The following ARRDC4 variants were observed in gnomAD, a reference collection of about 807,000 sequenced individuals.
ARRDC4 encodes arrestin domain-containing protein 4.
Under a neutral mutation model 44.6 loss-of-function variants are expected in ARRDC4, and 40 were observed. That is an observed-to-expected ratio of 0.90 (90% CI 0.70 to 1.17). The LOEUF is 1.17. Among genes scored for constraint, ARRDC4 ranks in the 50% most tolerant of loss-of-function variants. The pLI is 0.00. For missense variants in ARRDC4, 550 were observed against 559.1 expected, an observed-to-expected ratio of 0.98 and a Z score of 0.16; for synonymous variants, 211 against 221.2, an observed-to-expected ratio of 0.95 and a Z score of 0.41.
chr15:97,971,268 G>C lies in ARRDC4; in HGVS notation c.*81G>C. 7.4e-7 allele frequency: 1 copy of C among 1,342,336 alleles called. No homozygotes were observed. 83.2% of individuals were successfully genotyped at this position (1,342,336 alleles called of 1,614,324 possible). On this transcript the variant is annotated 3_prime_UTR_variant, in exon 8 of 8. Transcript: ENST00000268042. ...TTCTGCCTTTTTGGGAAAGAGACAG[G>C]AAAGATTCACTTGAAAACATAAATG... is the stretch of plus-strand genomic sequence containing the variant.
rs185160115 is a variant in ARRDC4 at position 97,973,690 on chromosome 15, G to A, written c.*2503G>A. Reference sequence around the variant, plus strand: ...GCACAGTAAGAAACAATAGGCAAGCGTTATGTTTTTGGTAAGTTAACTATG... The same window carrying A: ...GCACAGTAAGAAACAATAGGCAAGCATTATGTTTTTGGTAAGTTAACTATG... On this transcript the variant is annotated 3_prime_UTR_variant, in exon 8 of 8. Transcript: ENST00000268042. 1.1e-3 allele frequency: 167 copies of A among 152,564 alleles called. 3 individuals carry two copies. Among genetic ancestry groups the A allele is most frequent in the Admixed American group, 0.01 (157 of 15,270 alleles). The allele number at this position is 152,564 out of a possible 1,614,324, so 9.5% of individuals were successfully genotyped here. A position where few individuals can be genotyped will look rare whatever the true frequency, so the allele number is the denominator to read the frequency against.
At position 97,966,124 on chromosome 15, in the gene ARRDC4, T is replaced by TATA. The variant is rs1439657478; in HGVS notation, c.522+83_522+84insTAA. On this transcript the variant is annotated intron_variant, in intron 3 of 7. Transcript: ENST00000268042. The surrounding 1 kb of genome is among the most constrained non-coding windows in gnomAD (Gnocchi z 4.7). The stretch of plus-strand genomic sequence containing the variant: ...TCCTTTCAACAGTGGGATCTATATT[T>TATA]AGCCAGTTTACTGGTAGTCTGTCCT... 7.7e-5 allele frequency: 115 copies of TATA among 1,484,908 alleles called. 1 individual carries two copies. Among genetic ancestry groups the TATA allele is most frequent in the Non-Finnish European group, 1.0e-4 (110 of 1,091,962 alleles). 92.0% of individuals were successfully genotyped at this position (1,484,908 alleles called of 1,614,324 possible). A position where few individuals can be genotyped will look rare whatever the true frequency, so the allele number is the denominator to read the frequency against.
intron 1 of ARRDC4, among the ~76,000 whole-genome samples, chr15:97,962,279 A>G (rs1315674354): frequency 6.6e-6 from 1 of 152,232 alleles, no homozygotes; most frequent in East Asian, 1.9e-4. Context: ...GAGGAAAACT[A>G]TATTTGGAAC....
intron 1 of ARRDC4, among the ~76,000 whole-genome samples, chr15:97,964,923 G>C (rs1899388759): frequency 6.6e-6 from 1 of 152,038 alleles, no homozygotes; most frequent in African/African-American, 2.4e-5. Flanking sequence ...TGCTAAATTA[G>C]TTTTTGGTCC....
chr15:97,970,669 G>T lies in ARRDC4; in HGVS notation c.1126G>T (p.Glu376Ter). 1 of 1,613,614 alleles carries T rather than the reference G, an allele frequency of 6.2e-7. No homozygotes were observed. The highest frequency in any genetic ancestry group is 8.5e-7 in the Non-Finnish European group (1 of 1,179,660). The stretch of plus-strand genomic sequence containing the variant: ...TCCTTACCCTCAACCCCCTAACTGT[G>T]AGGGAGAAGTGTGCTGTCCTGTGTT... Reference protein sequence around the residue: ...IPPYPQPPNCEGEVCCPVFAC... With the variant: ...IPPYPQPPNC The change falls in exon 7 of 8, where the codon GAG becomes TAG. Residue 376 changes from glutamate to a stop codon, truncating the protein, a stop_gained. Coordinates refer to ENST00000268042, the MANE Select transcript of ARRDC4 (RefSeq NM_183376.3). LOFTEE classifies it high-confidence loss of function. The surrounding 1 kb of genome is among the most constrained non-coding windows in gnomAD (Gnocchi z 4.2).
intron 1 of ARRDC4, among the ~76,000 whole-genome samples, chr15:97,962,954 C>G (rs1027555198): frequency 3.3e-5 from 5 of 152,164 alleles, no homozygotes; most frequent in Non-Finnish European, 7.3e-5. Flanking sequence ...CTTTGACATC[C>G]TTAATCTAAT....
rs1043198885 is a variant in ARRDC4 at position 97,960,703 on chromosome 15, G to C, written c.-159G>C. On this transcript the variant is annotated 5_prime_UTR_variant, in exon 1 of 8. Coordinates refer to ENST00000268042, the MANE Select transcript of ARRDC4 (RefSeq NM_183376.3). ...CAGGCCCAACTGGGTTTGTTAAAGCGACAGGCCTCTCGGCGAGCCGGTGCC... is the reference window on the plus strand; with the variant it reads ...CAGGCCCAACTGGGTTTGTTAAAGCCACAGGCCTCTCGGCGAGCCGGTGCC... 4 of 593,358 alleles carry C rather than the reference G, an allele frequency of 6.7e-6. No individual in the cohort carries two copies. Among genetic ancestry groups the C allele is most frequent in the African/African-American group, 5.8e-5 (3 of 51,874 alleles). The allele number at this position is 593,358 out of a possible 1,614,324, so 36.8% of individuals were successfully genotyped here.
Position 97,970,142 on chromosome 15 carries a change from AC to A in ARRDC4, c.1045+98del. On this transcript the variant is annotated intron_variant, in intron 6 of 7. Coordinates refer to ENST00000268042, the MANE Select transcript of ARRDC4 (RefSeq NM_183376.3). This position sits in a 1 kb window ranked among gnomAD's most constrained non-coding sequence, Gnocchi z 4.2. Reference sequence around the variant, plus strand: ...ATTAAGTGCTCAGATGTTGATGAGTACTGCTACTATAGGTATCTTTATTCCT... The same window carrying A: ...ATTAAGTGCTCAGATGTTGATGAGTATGCTACTATAGGTATCTTTATTCCT... The A allele has an allele frequency of 1.6e-6, 2 of 1,253,276 alleles. No homozygotes were observed. Among genetic ancestry groups the A allele is most frequent in the Non-Finnish European group, 2.2e-6 (2 of 923,606 alleles). The allele number at this position is 1,253,276 out of a possible 1,614,324, so 77.6% of individuals were successfully genotyped here.
chr15:97,969,116 T>A lies in ARRDC4; in HGVS notation c.626-7T>A, dbSNP rs777591504. 1 of 1,609,842 alleles carries A rather than the reference T, an allele frequency of 6.2e-7. No homozygotes were observed. Among genetic ancestry groups the A allele is most frequent in the South Asian group, 1.1e-5 (1 of 91,018 alleles). On this transcript the variant is annotated splice_region_variant and splice_polypyrimidine_tract_variant and intron_variant, in intron 4 of 7. Coordinates refer to ENST00000268042, the MANE Select transcript of ARRDC4 (RefSeq NM_183376.3). ...CTGAATCCTCCCTGGTTTTGTTTTCTTTTTAGGAGAAGCTATTCCAATCTA... is the reference window on the plus strand; with the variant it reads ...CTGAATCCTCCCTGGTTTTGTTTTCATTTTAGGAGAAGCTATTCCAATCTA...
chr15:97,971,229 G>A lies in ARRDC4; in HGVS notation c.*42G>A, dbSNP rs367864518. On this transcript the variant is annotated 3_prime_UTR_variant, in exon 8 of 8. Coordinates refer to ENST00000268042, the MANE Select transcript of ARRDC4 (RefSeq NM_183376.3). ...ACTGTGTTCATCATCAAATTAGAAT[G>A]TTGGTTCTTTTCCTTCTGCCTTTTT... The A allele has an allele frequency of 5.9e-5, 93 of 1,584,768 alleles. No homozygotes were observed. The highest frequency in any genetic ancestry group is 7.9e-5 in the Non-Finnish European group (91 of 1,154,656).
At position 97,965,804 on chromosome 15, in the gene ARRDC4, A is replaced by C; in HGVS notation, c.375-91A>C. 1 of 1,534,726 alleles carries C rather than the reference A, an allele frequency of 6.5e-7. No homozygotes were observed. The highest frequency in any genetic ancestry group is 8.9e-7 in the Non-Finnish European group (1 of 1,122,166). ...CCCTAAATAGACTTACTCTTTTTTTATTTCCAACCTAAAACATTTTAAACC... is the reference window on the plus strand; with the variant it reads ...CCCTAAATAGACTTACTCTTTTTTTCTTTCCAACCTAAAACATTTTAAACC... On this transcript the variant is annotated intron_variant, in intron 2 of 7. Coordinates refer to ENST00000268042, the MANE Select transcript of ARRDC4 (RefSeq NM_183376.3). This position sits in a 1 kb window ranked among gnomAD's most constrained non-coding sequence, Gnocchi z 5.1.
At position 97,965,098 on chromosome 15, in the gene ARRDC4, G is replaced by A. The variant is rs1403171118; in HGVS notation, c.308-502G>A. Among the ~76,000 whole-genome samples the A allele has an allele frequency of 2.6e-5, 4 of 151,928 alleles. No individual in the cohort carries two copies. Among genetic ancestry groups the A allele is most frequent in the Non-Finnish European group, 5.9e-5 (4 of 68,014 alleles). On this transcript the variant is annotated intron_variant, in intron 1 of 7. Coordinates refer to ENST00000268042, the MANE Select transcript of ARRDC4 (RefSeq NM_183376.3). The surrounding 1 kb of genome is among the most constrained non-coding windows in gnomAD (Gnocchi z 5.1). Reference sequence around the variant, plus strand: ...TTTAGTAATTGGTCTATTTGAGAATGGAATATATGTGTGTATGTATGTGTG... The same window carrying A: ...TTTAGTAATTGGTCTATTTGAGAATAGAATATATGTGTGTATGTATGTGTG...
rs949192914 is a variant in ARRDC4, at chr15:97,972,455, C to G, written c.*1268C>G. 1 of 152,532 alleles carries G rather than the reference C, an allele frequency of 6.6e-6. No individual in the cohort carries two copies. The highest frequency in any genetic ancestry group is 2.1e-4 in the South Asian group (1 of 4,826). The allele number at this position is 152,532 out of a possible 1,614,324, so 9.4% of individuals were successfully genotyped here. A position where few individuals can be genotyped will look rare whatever the true frequency, so the allele number is the denominator to read the frequency against. On this transcript the variant is annotated 3_prime_UTR_variant, in exon 8 of 8. Coordinates refer to ENST00000268042, the MANE Select transcript of ARRDC4 (RefSeq NM_183376.3). The surrounding 1 kb of genome is among the most constrained non-coding windows in gnomAD (Gnocchi z 5.3). ...TATTATCATTTAACCTCAGGATATT[C>G]AGACCAACAGGATTGTGTTGCTGCT...
chr15:97,967,172 C>A lies in ARRDC4; in HGVS notation c.523-842C>A, dbSNP rs561646483. On this transcript the variant is annotated intron_variant, in intron 3 of 7. Coordinates refer to ENST00000268042, the MANE Select transcript of ARRDC4 (RefSeq NM_183376.3). The surrounding 1 kb of genome is among the most constrained non-coding windows in gnomAD (Gnocchi z 5.0). Reference sequence around the variant, plus strand: ...GCCAAGTAGCTTGTATTTTTAAAAACTACTTAGAATTGGGAGGCTGAATAT... The same window carrying A: ...GCCAAGTAGCTTGTATTTTTAAAAAATACTTAGAATTGGGAGGCTGAATAT... 1.0e-3 allele frequency among the ~76,000 whole-genome samples: 157 copies of A among 152,218 alleles called. No individual in the cohort carries two copies. Among genetic ancestry groups the A allele is most frequent in the African/African-American group, 3.7e-3 (154 of 41,546 alleles).
Position 97,971,206 on chromosome 15 carries a change from T to C in ARRDC4, c.*19T>C, listed in dbSNP as rs747671087. ...TCTCTGAACGTATTTCAGAAATCAC[T>C]GTGTTCATCATCAAATTAGAATGTT... On this transcript the variant is annotated 3_prime_UTR_variant, in exon 8 of 8. Coordinates refer to ENST00000268042, the MANE Select transcript of ARRDC4 (RefSeq NM_183376.3). 5 of 1,608,096 alleles carry C rather than the reference T, an allele frequency of 3.1e-6. No homozygotes were observed. The highest frequency in any genetic ancestry group is 4.3e-6 in the Non-Finnish European group (5 of 1,174,704).
chr15:97,966,062 C>A lies in ARRDC4; in HGVS notation c.522+20C>A. Reference sequence around the variant, plus strand: ...TTATTAGTAAGTTCTTCCTTTTTCTCTTCCTCCTCCTTTTCCTCCTTCCCT... The same window carrying A: ...TTATTAGTAAGTTCTTCCTTTTTCTATTCCTCCTCCTTTTCCTCCTTCCCT... On this transcript the variant is annotated intron_variant, in intron 3 of 7. Coordinates refer to ENST00000268042, the MANE Select transcript of ARRDC4 (RefSeq NM_183376.3). This position sits in a 1 kb window ranked among gnomAD's most constrained non-coding sequence, Gnocchi z 4.7. 6.2e-7 allele frequency: 1 copy of A among 1,612,384 alleles called. No individual in the cohort carries two copies. The highest frequency in any genetic ancestry group is 8.5e-7 in the Non-Finnish European group (1 of 1,178,814).
intron 1 of ARRDC4, among the ~76,000 whole-genome samples, chr15:97,961,372 C>G (rs996310186): frequency 6.6e-6 from 1 of 152,204 alleles, no homozygotes; most frequent in Non-Finnish European, 1.5e-5. Flanking sequence ...CCCTGGCCCG[C>G]CGGGCCTGAC....
rs1312595327 is a variant in ARRDC4 at position 97,966,764 on chromosome 15, A to G, written c.522+722A>G. Among the ~76,000 whole-genome samples, 2 of 152,242 alleles carry G rather than the reference A, an allele frequency of 1.3e-5. No individual in the cohort carries two copies. The highest frequency in any genetic ancestry group is 2.4e-5 in the African/African-American group (1 of 41,470). Reference sequence around the variant, plus strand: ...TAAAATTATACCTTGTACTTTCATGATAGCTACTAGGACCTAATGGTTCTT... The same window carrying G: ...TAAAATTATACCTTGTACTTTCATGGTAGCTACTAGGACCTAATGGTTCTT... On this transcript the variant is annotated intron_variant, in intron 3 of 7. Coordinates refer to ENST00000268042, the MANE Select transcript of ARRDC4 (RefSeq NM_183376.3). This position sits in a 1 kb window ranked among gnomAD's most constrained non-coding sequence, Gnocchi z 4.7.
rs1899424201 is a variant in ARRDC4, at chr15:97,966,740, A to G, written c.522+698A>G. 6.6e-6 allele frequency among the ~76,000 whole-genome samples: 1 copy of G among 152,242 alleles called. No individual in the cohort carries two copies. Among genetic ancestry groups the G allele is most frequent in the Admixed American group, 6.5e-5 (1 of 15,284 alleles). ...TAAACCCATATTATCAAAATAATAT[A>G]AAATTATACCTTGTACTTTCATGAT... is the stretch of plus-strand genomic sequence containing the variant. On this transcript the variant is annotated intron_variant, in intron 3 of 7. Coordinates refer to ENST00000268042, the MANE Select transcript of ARRDC4 (RefSeq NM_183376.3). The surrounding 1 kb of genome is among the most constrained non-coding windows in gnomAD (Gnocchi z 4.7).
Sources: allele counts gnomAD v4.1 joint callset (sites outside exome capture counted in the v4.1 genomes callset), GRCh38; gene constraint gnomAD v4.1.1; non-coding constraint Gnocchi (gnomAD v3.1); transcripts MANE v1.5; gene names NCBI Gene and HGNC (gene_info 2026-07-23, HGNC 2026-07-21).